The following SPDYE4 variants were observed in gnomAD, a reference collection of about 807,000 sequenced individuals.
SPDYE4 encodes speedy protein E4.
Under a neutral mutation model 37.5 loss-of-function variants are expected in SPDYE4, and 30 were observed. The observed-to-expected ratio is 0.80, with a 90% CI of 0.60 to 1.09. The LOEUF (loss-of-function observed/expected upper bound fraction) is 1.09, where lower values mean the gene tolerates loss of function less well. Among genes scored for constraint, SPDYE4 ranks in the 50% least tolerant of loss-of-function variants. The pLI is 0.00. For missense variants in SPDYE4, 300 were observed against 307.9 expected, an observed-to-expected ratio of 0.97 and a Z score of 0.19; for synonymous variants, 131 against 120.3, an observed-to-expected ratio of 1.09 and a Z score of -0.58.
Position 8,756,456 on chromosome 17 carries a change from G to C in SPDYE4, c.341-20C>G. On this transcript the variant is annotated intron_variant, in intron 2 of 6. Coordinates refer to ENST00000689094, the MANE Select transcript of SPDYE4 (RefSeq NM_001394956.1). ...GATCCCCTGTGAAAAGAGAGCCTGT[G>C]TCAGGGTGAGAAGTGGAACAGGGTT... 6.2e-7 allele frequency: 1 copy of C among 1,613,096 alleles called. No individual in the cohort carries two copies. The highest frequency in any genetic ancestry group is 8.5e-7 in the Non-Finnish European group (1 of 1,179,206).
Position 8,757,394 on chromosome 17 carries a change from C to G in SPDYE4, c.208G>C (p.Glu70Gln). Residue 70 changes from glutamate to glutamine, a missense_variant, in exon 2 of 7, where the codon GAG (glutamate) becomes CAG (glutamine). By Grantham distance (29) the Glu-to-Gln change is conservative. Coordinates refer to ENST00000689094, the MANE Select transcript of SPDYE4 (RefSeq NM_001394956.1). ...TCGGGCTCAGGGGCGCGCTCCAACT[C>G]CAGCTCCTCCTCCAGCTCCTCCTCG... ...ESEEELEEEL[E>Q]LERAPEPEDT... 2 of 1,592,050 alleles carry G rather than the reference C, an allele frequency of 1.3e-6. No homozygotes were observed. The highest frequency in any genetic ancestry group is 1.7e-6 in the Non-Finnish European group (2 of 1,168,962).
chr17:8,749,519 G>T (rs9709080), downstream of SPDYE4, among the ~76,000 whole-genome samples: 84,622 of 151,808 alleles, frequency 0.56, 23,944 homozygotes, highest in Admixed American at 0.63. Flanking sequence ...GCCCACCTCG[G>T]CCTCCCAAAG....
chr17:8,749,155 A>G (rs984782415), downstream of SPDYE4, among the ~76,000 whole-genome samples: 6 of 147,816 alleles, frequency 4.1e-5, no homozygotes, highest in Non-Finnish European at 8.9e-5. Flanking sequence ...GTGCAGTGGT[A>G]TGATCACGGC....
At chr17:8,753,281 A>AACCCCCCCCCCCCCCCCCCCCCCAAAAGG in intron 5 of SPDYE4, 40 bp downstream of exon 5, 1 of 388,132 alleles carries the variant, frequency 2.6e-6, no homozygotes, top group Non-Finnish European at 3.7e-6. Context: ...AGTCCACCCC[A>AACCCCCCCCCCCCCCCCCCCCCCAAAAGG]TCCCTCCCCA....
At chr17:8,750,126 C>G (rs897062247), downstream of SPDYE4, among the ~76,000 whole-genome samples, 5 of 152,178 alleles carry the variant, frequency 3.3e-5, no homozygotes, top group Non-Finnish European at 5.9e-5. Flanking sequence ...CAGTGTCTCA[C>G]ACCTGTAATC....
chr17:8,754,137 C>G (rs147746715), intron 4 of SPDYE4, among the ~76,000 whole-genome samples: 128 of 152,168 alleles, frequency 8.4e-4, no homozygotes, highest in Middle Eastern at 6.8e-3. Context: ...TGATGAACTT[C>G]ATAAGGTTTT....
Position 8,757,320 on chromosome 17 carries a change from C to A in SPDYE4, c.282G>T (p.Lys94Asn). The A allele has an allele frequency of 6.2e-7, 1 of 1,603,786 alleles. No homozygotes were observed. Among genetic ancestry groups the A allele is most frequent in the Non-Finnish European group, 8.5e-7 (1 of 1,174,946 alleles). The change falls in exon 2 of 7, where the codon AAG (lysine) becomes AAT (asparagine). Residue 94 changes from lysine (K) to asparagine (N), a missense_variant. Lys to Asn is a moderately conservative substitution (Grantham distance 94). Transcript: ENST00000689094. ...ETLCGLKMKLKRKRASSVLPE... is the reference protein window; with the variant it reads ...ETLCGLKMKLNRKRASSVLPE... ...GGAGCACGGAGGATGCTCGCTTTCGCTTCAGCTTCATCTTGAGCCCACACA... is the reference window on the plus strand; with the variant it reads ...GGAGCACGGAGGATGCTCGCTTTCGATTCAGCTTCATCTTGAGCCCACACA...
At chr17:8,757,042 C>T (rs2086778236) in intron 2 of SPDYE4, among the ~76,000 whole-genome samples, 1 of 152,122 alleles carries the variant, frequency 6.6e-6, no homozygotes, top group African/African-American at 2.4e-5. Flanking sequence ...AGATCTCAGG[C>T]ATGAGCCACT....
downstream of SPDYE4, among the ~76,000 whole-genome samples, chr17:8,749,233 C>T (rs2086710750): frequency 6.6e-6 from 1 of 150,798 alleles, no homozygotes; most frequent in Non-Finnish European, 1.5e-5. Context: ...GCTGGGACTG[C>T]AGGTGTGCAC....
chr17:8,749,346 C>G (rs921165214), downstream of SPDYE4, among the ~76,000 whole-genome samples: 6 of 152,080 alleles, frequency 3.9e-5, no homozygotes, highest in African/African-American at 1.4e-4. Flanking sequence ...TCACTGCCAC[C>G]TCTACCTCCC....
intron 4 of SPDYE4, 98 bp from the exon 5 acceptor site, chr17:8,753,587 G>T: frequency 7.0e-7 from 1 of 1,429,240 alleles, no homozygotes. Context: ...ACCTTCCTCA[G>T]CTCAGCACCA....
chr17:8,757,348 G>A lies in SPDYE4; in HGVS notation c.254C>T (p.Thr85Met), dbSNP rs562237732. The A allele has an allele frequency of 8.2e-5, 131 of 1,600,440 alleles. No individual in the cohort carries two copies. Among genetic ancestry groups the A allele is most frequent in the East Asian group, 1.1e-4 (5 of 44,436 alleles). The change falls in exon 2 of 7, where the codon ACG (threonine) becomes ATG (methionine). Residue 85 changes from threonine to methionine, a missense_variant. Thr to Met is a moderately conservative substitution (Grantham distance 81, BLOSUM62 -1). Transcript: ENST00000689094. ...CAGCTTCATCTTGAGCCCACACAGCGTCTCCACCACCCAGGTGTCCTCGGG... is the reference window on the plus strand; with the variant it reads ...CAGCTTCATCTTGAGCCCACACAGCATCTCCACCACCCAGGTGTCCTCGGG... ...PEPEDTWVVE[T>M]LCGLKMKLKR...
chr17:8,755,742 A>G, intron 3 of SPDYE4, 137 bp from the exon 4 acceptor site: 1 of 1,154,548 alleles, frequency 8.7e-7, no homozygotes, highest in East Asian at 2.4e-5. Flanking sequence ...GACTATGCTC[A>G]TTGGGGGCTT....
At chr17:8,756,503 AGAG>A (rs1313798326) in intron 2 of SPDYE4, 67 bp from the exon 3 acceptor site, 6 of 1,472,300 alleles carry the variant, frequency 4.1e-6, no homozygotes, top group Non-Finnish European at 4.7e-6. Flanking sequence ...AGCAGAGCAG[AGAG>A]GAGAACTGTG....
Position 8,753,345 on chromosome 17 carries a change from C to A in SPDYE4, c.630G>T (p.Trp210Cys). Residue 210 changes from tryptophan (W) to cysteine (C), a missense_variant, in exon 5 of 7, where the codon TGG becomes TGT. Physicochemically the swap from Trp to Cys is radical, Grantham distance 215. Transcript: ENST00000689094. ...QLLCSMRWRT[W>C]VSPEEMEEIQ... is the part of the protein sequence containing the mutation. ...CCTCCTCCATCTCCTCTGGGGAAAC[C>A]CACGTCCTCCAGCGCATGGAACAGA... 6.4e-7 allele frequency: 1 copy of A among 1,573,342 alleles called. No individual in the cohort carries two copies. The highest frequency in any genetic ancestry group is 8.6e-7 in the Non-Finnish European group (1 of 1,158,924).
Position 8,757,199 on chromosome 17 carries a change from AT to A in SPDYE4, c.340+62del, listed in dbSNP as rs1398820540. 2.1e-6 allele frequency: 3 copies of A among 1,449,010 alleles called. No individual in the cohort carries two copies. In the Admixed American group the frequency reaches 6.1e-5, roughly 30 times the overall value. 89.8% of individuals were successfully genotyped at this position (1,449,010 alleles called of 1,614,324 possible). A position where few individuals can be genotyped will look rare whatever the true frequency, so the allele number is the denominator to read the frequency against. On this transcript the variant is annotated intron_variant, in intron 2 of 6. Coordinates refer to ENST00000689094, the MANE Select transcript of SPDYE4 (RefSeq NM_001394956.1). ...TTCTTCTTATTGGGAAAGTGTGATT[AT>A]TGAAAGATTCCACTTTTTTAAAAGA...
chr17:8,757,442 T>G lies in SPDYE4; in HGVS notation c.160A>C (p.Lys54Gln), dbSNP rs1597353816. 6.2e-7 allele frequency: 1 copy of G among 1,602,392 alleles called. No homozygotes were observed. The highest frequency in any genetic ancestry group is 2.2e-5 in the East Asian group (1 of 44,638). The change falls in exon 2 of 7, where the codon AAG becomes CAG. Residue 54 changes from lysine (K) to glutamine (Q), a missense_variant. Transcript: ENST00000689094. ...PQPQSLGLKR[K>Q]SEWSDESEEE... ...TCGGATTCGTCTGACCATTCGCTCTTCCTTTTCAGGCCAAGGGATTGAGGC... is the reference window on the plus strand; with the variant it reads ...TCGGATTCGTCTGACCATTCGCTCTGCCTTTTCAGGCCAAGGGATTGAGGC...
rs558547096 is a variant in SPDYE4, at chr17:8,751,204, G to A, written c.*1078C>T. Among the ~76,000 whole-genome samples, 3 of 152,122 alleles carry A rather than the reference G, an allele frequency of 2.0e-5. No homozygotes were observed. Among genetic ancestry groups the A allele is most frequent in the Non-Finnish European group, 4.4e-5 (3 of 67,998 alleles). ...AAAAATAAAACATTTAGGATAAAAAGAATCCTCTCTTAAAAATGAAAACAG... is the reference window on the plus strand; with the variant it reads ...AAAAATAAAACATTTAGGATAAAAAAAATCCTCTCTTAAAAATGAAAACAG... On this transcript the variant is annotated 3_prime_UTR_variant, in exon 7 of 7. Coordinates refer to ENST00000689094, the MANE Select transcript of SPDYE4 (RefSeq NM_001394956.1).
At position 8,758,279 on chromosome 17, in the gene SPDYE4, G is replaced by C. The variant is rs1261778816; in HGVS notation, c.104C>G (p.Pro35Arg). ...TCTCCCTCCAGTCACCTCACCTGAT[G>C]GTCCTGGCACTTCATCATCCACCAC... is the stretch of plus-strand genomic sequence containing the variant. ...EVVVDDEVPGPSAPWIDPSPQ... is the reference protein window; with the variant it reads ...EVVVDDEVPGRSAPWIDPSPQ... The change falls in exon 1 of 7, where the codon CCA becomes CGA. Residue 35 changes from proline to arginine, a missense_variant. Pro to Arg is a moderately radical substitution (Grantham distance 103). Coordinates refer to ENST00000689094, the MANE Select transcript of SPDYE4 (RefSeq NM_001394956.1). The C allele has an allele frequency of 6.5e-7, 1 of 1,541,652 alleles. No individual in the cohort carries two copies. The highest frequency in any genetic ancestry group is 8.8e-7 in the Non-Finnish European group (1 of 1,142,018).
Sources: allele counts gnomAD v4.1 joint callset (sites outside exome capture counted in the v4.1 genomes callset), GRCh38; gene constraint gnomAD v4.1.1; transcripts MANE v1.5; gene names NCBI Gene and HGNC (gene_info 2026-07-23, HGNC 2026-07-21).